FOXJ3: variants seen among roughly 807,000 people sequenced by gnomAD.
The protein encoded by FOXJ3 is forkhead box protein J3.
A neutral mutation model predicts 76.1 loss-of-function variants in FOXJ3; 22 were observed. The observed-to-expected ratio is 0.29, with a 90% CI of 0.21 to 0.41. FOXJ3 has a LOEUF of 0.41. FOXJ3 is among the 10% of genes least tolerant of loss of function. The pLI, the probability that FOXJ3 is intolerant of heterozygous loss-of-function variation, is 1.00. For missense variants in FOXJ3, 613 were observed against 762.1 expected (o/e 0.80, Z 2.30); for synonymous variants, 269 against 261.2 (o/e 1.03, Z -0.29).
intron 9 of FOXJ3, among the ~76,000 whole-genome samples, chr1:42,190,504 G>A (rs569176346): frequency 5.3e-5 from 8 of 152,340 alleles, no homozygotes; most frequent in Non-Finnish European, 1.0e-4. Context: ...GAACATGCAA[G>A]TCTACCAGAC....
At chr1:42,181,724 CG>C (rs1049974544) in intron 12 of FOXJ3, among the ~76,000 whole-genome samples, 192 bp downstream of exon 12, 1 of 152,162 alleles carries the variant, frequency 6.6e-6, no homozygotes, top group African/African-American at 2.4e-5. Context: ...CATTCACCAT[CG>C]GGAAAGCTAA....
chr1:42,319,317 CTGTT>C (rs1276008770), intron 1 of FOXJ3, among the ~76,000 whole-genome samples: 6 of 152,182 alleles, frequency 3.9e-5, no homozygotes, highest in African/African-American at 1.4e-4. Flanking sequence ...AATGGAATAA[CTGTT>C]TGACAATAAA....
intron 7 of FOXJ3, among the ~76,000 whole-genome samples, chr1:42,198,285 C>G (rs1333072576): frequency 2.0e-5 from 3 of 152,134 alleles, no homozygotes; most frequent in Non-Finnish European, 4.4e-5. Flanking sequence ...TTTGCAGAGG[C>G]AACTTTTTCC....
intron 4 of FOXJ3, among the ~76,000 whole-genome samples, chr1:42,251,533 C>CT (rs1210494960): frequency 6.6e-6 from 1 of 151,950 alleles, no homozygotes; most frequent in East Asian, 1.9e-4. Flanking sequence ...TTGTCAAAGG[C>CT]CTTTTCTGCA....
intron 1 of FOXJ3, among the ~76,000 whole-genome samples, chr1:42,324,918 A>AT (rs952204282): frequency 6.6e-6 from 1 of 151,938 alleles, no homozygotes; most frequent in African/African-American, 2.4e-5. Context: ...ACTACACTAA[A>AT]TTTTTTTTAA....
intron 3 of FOXJ3, among the ~76,000 whole-genome samples, chr1:42,275,247 C>A (rs1652172962): frequency 6.6e-6 from 1 of 152,084 alleles, no homozygotes; most frequent in African/African-American, 2.4e-5. Context: ...ATGAAAAAGG[C>A]AAAAGTGTTG....
intron 2 of FOXJ3, among the ~76,000 whole-genome samples, chr1:42,281,322 G>A (rs929168429): frequency 6.6e-6 from 1 of 152,140 alleles, no homozygotes; most frequent in African/African-American, 2.4e-5. Context: ...TGGGTGCTAT[G>A]AAGGTTCAGG....
intron 1 of FOXJ3, among the ~76,000 whole-genome samples, chr1:42,317,975 T>C (rs1485151121): frequency 6.6e-6 from 1 of 152,222 alleles, no homozygotes; most frequent in East Asian, 1.9e-4. Flanking sequence ...TCATTCTCTG[T>C]TATATTCCCA....
At chr1:42,315,794 T>C (rs1655073286) in intron 1 of FOXJ3, among the ~76,000 whole-genome samples, 1 of 152,240 alleles carries the variant, frequency 6.6e-6, no homozygotes, top group Non-Finnish European at 1.5e-5. Flanking sequence ...AACAACTATA[T>C]TAACTCATTC....
intron 5 of FOXJ3, among the ~76,000 whole-genome samples, chr1:42,227,432 A>G (rs929046420): frequency 1.3e-5 from 2 of 152,250 alleles, no homozygotes; most frequent in African/African-American, 4.8e-5. Context: ...CTTACAAGCA[A>G]TACACACGCA....
In FOXJ3 at chr1:42,178,736, G is replaced by A. The variant is rs1489585844; in HGVS notation, c.*974C>T. The A allele has an allele frequency of 6.6e-6, 1 of 152,664 alleles. No homozygotes were observed. The highest frequency in any genetic ancestry group is 1.5e-5 in the Non-Finnish European group (1 of 68,198). The allele number at this position is 152,664 out of a possible 1,614,324, so 9.5% of individuals were successfully genotyped here. ...GGAGGCGGAGGTTGCAGTGAGCCGA[G>A]ATCGTGCCACTGCACTCCAGCCTGG... On this transcript the variant is annotated 3_prime_UTR_variant, in exon 13 of 13. Coordinates refer to ENST00000361346, the MANE Select transcript of FOXJ3 (RefSeq NM_014947.5).
intron 2 of FOXJ3, among the ~76,000 whole-genome samples, chr1:42,302,442 T>A (rs1216652329): frequency 6.6e-6 from 1 of 152,180 alleles, no homozygotes; most frequent in Non-Finnish European, 1.5e-5. Flanking sequence ...GACAGGTGGG[T>A]CCAGACCAGG....
At chr1:42,281,015 T>C (rs1021714048) in intron 2 of FOXJ3, among the ~76,000 whole-genome samples, 1 of 152,200 alleles carries the variant, frequency 6.6e-6, no homozygotes, top group Non-Finnish European at 1.5e-5. Context: ...CAAAAGCATA[T>C]TACAAATTGG....
At chr1:42,298,203 T>A (rs185348913) in intron 2 of FOXJ3, among the ~76,000 whole-genome samples, 5 of 152,326 alleles carry the variant, frequency 3.3e-5, no homozygotes, top group Middle Eastern at 3.4e-3. Flanking sequence ...ATTATAAGCT[T>A]CCTGAGGCTT....
In FOXJ3 at chr1:42,194,918, T is replaced by G; in HGVS notation, c.906A>C (p.Ser302=). Residue 302 remains serine (S), a synonymous_variant, in exon 8 of 13, where the codon TCA becomes TCC. Transcript: ENST00000361346. ...GTTGACTAAGTGACTGCTCAAAAAC[T>G]GACTTATAAAGGCTCCGAAATGAGG... is the stretch of plus-strand genomic sequence containing the variant. ...LSASFRSLYK[S]VFEQSLSQQG... 3 of 1,602,408 alleles carry G rather than the reference T, an allele frequency of 1.9e-6. No individual in the cohort carries two copies. Among genetic ancestry groups the G allele is most frequent in the Non-Finnish European group, 2.5e-6 (3 of 1,176,720 alleles).
chr1:42,200,668 C>CG (rs936843595), intron 6 of FOXJ3, among the ~76,000 whole-genome samples: 1 of 152,030 alleles, frequency 6.6e-6, no homozygotes, highest in African/African-American at 2.4e-5. Flanking sequence ...TTAGTAGAGA[C>CG]GGGGTTTCAC....
intron 2 of FOXJ3, among the ~76,000 whole-genome samples, chr1:42,287,592 A>T (rs996582587): frequency 2.6e-5 from 4 of 152,100 alleles, no homozygotes; most frequent in Non-Finnish European, 2.9e-5. Context: ...AGTCTCTCCA[A>T]ATCATTCCAC....
chr1:42,229,390 CAATT>C (rs1400226274), intron 4 of FOXJ3, among the ~76,000 whole-genome samples: 1 of 152,104 alleles, frequency 6.6e-6, no homozygotes, highest in East Asian at 1.9e-4. Flanking sequence ...AGCAAGTACT[CAATT>C]AACATCTGTC....
intron 1 of FOXJ3, among the ~76,000 whole-genome samples, chr1:42,325,694 AT>A (rs1231696933): frequency 1.3e-5 from 2 of 152,222 alleles, no homozygotes; most frequent in African/African-American, 2.4e-5. Context: ...AGTTTTCAGG[AT>A]TTAAATTGGA....
Sources: allele counts gnomAD v4.1 joint callset (sites outside exome capture counted in the v4.1 genomes callset), GRCh38; gene constraint gnomAD v4.1.1; transcripts MANE v1.5; gene names NCBI Gene and HGNC (gene_info 2026-07-23, HGNC 2026-07-21).